DDX42: variants seen among roughly 807,000 people sequenced by gnomAD.
The protein encoded by DDX42 is DEAD-box helicase 42.
In DDX42, 22 loss-of-function variants were observed where a neutral mutation model predicts 101.5. That is an observed-to-expected ratio of 0.22 (90% CI 0.15 to 0.31). The LOEUF (loss-of-function observed/expected upper bound fraction) is 0.31. Among genes scored for constraint, DDX42 ranks in the 10% least tolerant of loss-of-function variants. The pLI is 1.00. For synonymous variants in DDX42, 402 were observed against 401.2 expected, an observed-to-expected ratio of 1.00 and a Z score of -0.02; for missense variants, 849 against 1,199.9, an observed-to-expected ratio of 0.71 and a Z score of 4.32.
intron 16 of DDX42, 152 bp from the exon 17 acceptor site, chr17:63,816,716 T>C (rs17638873): frequency 0.1 from 49,472 of 483,004 alleles, 3,121 homozygotes; most frequent in Non-Finnish European, 0.13. Flanking sequence ...TGATTGTCAC[T>C]GTGTCTTTTC....
chr17:63,808,982 C>T lies in DDX42; in HGVS notation c.1152+34C>T, dbSNP rs780120269. 14 of 1,604,986 alleles carry T rather than the reference C, an allele frequency of 8.7e-6. No individual in the cohort carries two copies. In the East Asian group the frequency reaches 2.5e-4, roughly 28 times the overall value. On this transcript the variant is annotated intron_variant, in intron 10 of 17. Coordinates refer to ENST00000389924, the MANE Select transcript of DDX42 (RefSeq NM_203499.3). ...GCCTTGTGTTTAAATGGCTTCTCAG[C>T]CTCCCTCGGTATGGAAAACATGATT...
intron 3 of DDX42, among the ~76,000 whole-genome samples, chr17:63,796,407 C>T (rs2039693169): frequency 6.6e-6 from 1 of 152,178 alleles, no homozygotes; most frequent in Non-Finnish European, 1.5e-5. Context: ...CCTCCCGGGT[C>T]CCGGGTTCAA....
At position 63,813,462 on chromosome 17, in the gene DDX42, G is replaced by A. The variant is rs556585567; in HGVS notation, c.1902+8G>A. On this transcript the variant is annotated splice_region_variant and intron_variant, in intron 15 of 17. Coordinates refer to ENST00000389924, the MANE Select transcript of DDX42 (RefSeq NM_203499.3). ...CTAGATCTGGCAATGCAGGTGAGGG[G>A]CTGGGCACACTTTCAATTGCTCCTG... is the stretch of plus-strand genomic sequence containing the variant. The A allele has an allele frequency of 4.5e-5, 73 of 1,610,742 alleles. No homozygotes were observed. In the South Asian group the frequency reaches 7.4e-4, roughly 16 times the overall value.
At chr17:63,809,166 G>A (rs573434947) in intron 10 of DDX42, among the ~76,000 whole-genome samples, 12 of 152,226 alleles carry the variant, frequency 7.9e-5, no homozygotes, top group South Asian at 2.1e-4. Context: ...TCCCCTCTAT[G>A]TCAAATAGTT....
At chr17:63,813,838 C>A (rs1323478324) in intron 15 of DDX42, among the ~76,000 whole-genome samples, 1 of 151,472 alleles carries the variant, frequency 6.6e-6, no homozygotes, top group African/African-American at 2.4e-5. Flanking sequence ...TAGTATAGTG[C>A]CCCCCCACCT....
Position 63,811,137 on chromosome 17 carries a change from C to T in DDX42, c.1362C>T (p.Ile454=), listed in dbSNP as rs766282983. 1.8e-5 allele frequency: 29 copies of T among 1,614,100 alleles called. No individual in the cohort carries two copies. The highest frequency in any genetic ancestry group is 1.1e-4 in the South Asian group (10 of 91,076). Residue 454 remains isoleucine, a synonymous_variant, in exon 13 of 18, where the codon ATC becomes ATT. Transcript: ENST00000389924. ...AAAAGTTGGCCAGAGACATCCTGAT[C>T]GACCCTATTCGAGTGGTGCAGGGAG... ...KIEKLARDIL[I]DPIRVVQGDI...
At chr17:63,814,681 T>C (rs2039954242) in intron 15 of DDX42, among the ~76,000 whole-genome samples, 1 of 145,682 alleles carries the variant, frequency 6.9e-6, no homozygotes, top group Non-Finnish European at 1.5e-5. Context: ...TTTGCTTTTT[T>C]TTTTTTTTTT....
chr17:63,809,731 C>CT, intron 11 of DDX42, 72 bp downstream of exon 11: 5 of 1,279,906 alleles, frequency 3.9e-6, no homozygotes, highest in Non-Finnish European at 4.5e-6. Context: ...TCTTTCTAGA[C>CT]TGTTTTTTCA....
rs568130779 is a variant in DDX42 at position 63,788,022 on chromosome 17, A to G, written c.221+752A>G. Reference sequence around the variant, plus strand: ...CGAGTTCAAGTGATTCTCCAGCCTCACCCTCCTGTGTAGGTGGGATTACAG... The same window carrying G: ...CGAGTTCAAGTGATTCTCCAGCCTCGCCCTCCTGTGTAGGTGGGATTACAG... On this transcript the variant is annotated intron_variant, in intron 2 of 17. Coordinates refer to ENST00000389924, the MANE Select transcript of DDX42 (RefSeq NM_203499.3). Among the ~76,000 whole-genome samples the G allele has an allele frequency of 7.5e-3, 1,112 of 147,930 alleles. 13 individuals are homozygous for G. The highest frequency in any genetic ancestry group is 0.011 in the Non-Finnish European group (774 of 67,446).
chr17:63,776,232 A>C (rs142520847), intron 1 of DDX42: 16 of 152,396 alleles, frequency 1.0e-4, no homozygotes, highest in African/African-American at 3.4e-4. Context: ...CCGAAAACAC[A>C]AACTAGCTAA....
intron 3 of DDX42, among the ~76,000 whole-genome samples, chr17:63,793,200 A>C (rs1598329611): frequency 1.4e-5 from 2 of 147,346 alleles, no homozygotes; most frequent in Admixed American, 6.7e-5. Context: ...ACTTTTGGCC[A>C]CTCTTGTTTT....
chr17:63,802,392 T>C (rs1404894551), intron 6 of DDX42, among the ~76,000 whole-genome samples: 1 of 152,232 alleles, frequency 6.6e-6, no homozygotes, highest in African/African-American at 2.4e-5. Flanking sequence ...GCTACTTTTT[T>C]TCATAGAACA....
At position 63,800,635 on chromosome 17, in the gene DDX42, G is replaced by A; in HGVS notation, c.621+18G>A. 1.1e-5 allele frequency: 17 copies of A among 1,609,286 alleles called. No homozygotes were observed. The highest frequency in any genetic ancestry group is 1.3e-5 in the African/African-American group (1 of 74,848). ...ATTCAGAGGTATGGTGTTTCTTGCT[G>A]AATTTTACTCTTGTTTCAAGCTGAT... On this transcript the variant is annotated intron_variant, in intron 6 of 17. Transcript: ENST00000389924.
intron 6 of DDX42, among the ~76,000 whole-genome samples, chr17:63,802,520 C>T (rs2039784050): frequency 6.6e-6 from 1 of 152,194 alleles, no homozygotes; most frequent in South Asian, 2.1e-4. Context: ...GTAATTTCAA[C>T]ACTTTGGGAG....
At chr17:63,785,519 A>G (rs2039537052) in intron 1 of DDX42, among the ~76,000 whole-genome samples, 1 of 96,902 alleles carries the variant, frequency 1.0e-5, no homozygotes, top group African/African-American at 6.0e-5. Flanking sequence ...CCCAGCACTT[A>G]GGGAGGCAGA....
At chr17:63,808,783 G>T in intron 9 of DDX42, 37 bp from the exon 10 acceptor site, 1 of 1,609,604 alleles carries the variant, frequency 6.2e-7, no homozygotes, top group South Asian at 1.1e-5. Flanking sequence ...ATTTGTTAGT[G>T]TCACAGTTTG....
intron 5 of DDX42, 75 bp from the exon 6 acceptor site, chr17:63,800,393 A>G (rs140459547): frequency 1.2e-4 from 165 of 1,427,938 alleles, no homozygotes; most frequent in African/African-American, 9.6e-4. Context: ...CTGGTACACT[A>G]TGTGCGCTAA....
chr17:63,803,792 G>A (rs952861887), intron 6 of DDX42, among the ~76,000 whole-genome samples: 15 of 151,646 alleles, frequency 9.9e-5, no homozygotes, highest in African/African-American at 3.4e-4. Flanking sequence ...TGGGACTACA[G>A]GTGTGTGCCA....
rs2039593046 is a variant in DDX42 at position 63,789,507 on chromosome 17, C to T, written c.221+2237C>T. ...GGGATTATAGGCGTGAGCTACTGCA[C>T]CCAGCAGATGTTAATTGGAAAAAAA... is the stretch of plus-strand genomic sequence containing the variant. On this transcript the variant is annotated intron_variant, in intron 2 of 17. Transcript: ENST00000389924. Among the ~76,000 whole-genome samples the T allele has an allele frequency of 4.7e-5, 7 of 149,388 alleles. No individual in the cohort carries two copies. In the South Asian group the frequency reaches 1.5e-3, roughly 32 times the overall value.
Sources: gnomAD v4.1 joint callset for allele counts (sites outside exome capture counted in the v4.1 genomes callset) on GRCh38, gnomAD v4.1.1 for gene constraint, MANE v1.5 for transcripts, NCBI Gene and HGNC (gene_info 2026-07-23, HGNC 2026-07-21) for gene names.